FARS2: variants seen among roughly 807,000 people sequenced by gnomAD.
FARS2 encodes the protein phenylalanyl-tRNA synthetase 2, mitochondrial, also known as phenylalanine--tRNA ligase, mitochondrial.
In FARS2, 40 loss-of-function variants were observed where a neutral mutation model predicts 46.4. That is an observed-to-expected ratio of 0.86 (90% CI 0.67 to 1.12). The LOEUF is 1.12. Among genes scored for constraint, FARS2 ranks in the 50% most tolerant of loss-of-function variants. FARS2 has a pLI of 0.00. For synonymous variants in FARS2, 234 were observed against 214.9 expected (o/e 1.09, Z -0.78); for missense variants, 513 against 567.9 (o/e 0.90, Z 0.98).
intron 6 of FARS2, among the ~76,000 whole-genome samples, chr6:5,702,689 C>T (rs1399373210): frequency 2.0e-5 from 3 of 152,182 alleles, no homozygotes; most frequent in Non-Finnish European, 2.9e-5. Flanking sequence ...ACTCATCTCA[C>T]GTTTCCTAAA....
At chr6:5,640,867 C>G (rs534929210) in intron 6 of FARS2, among the ~76,000 whole-genome samples, 1 of 152,336 alleles carries the variant, frequency 6.6e-6, no homozygotes, top group South Asian at 2.1e-4. Flanking sequence ...CTGCTTGTAA[C>G]AAGGGTCAAA....
chr6:5,441,478 G>C (rs1477136177), intron 4 of FARS2, among the ~76,000 whole-genome samples: 1 of 152,074 alleles, frequency 6.6e-6, no homozygotes, highest in Admixed American at 6.5e-5. Context: ...TGACTTTCAT[G>C]TGCTTTTATG....
intron 5 of FARS2, among the ~76,000 whole-genome samples, chr6:5,582,921 T>C (rs1773417629): frequency 1.3e-5 from 2 of 152,202 alleles, no homozygotes. Context: ...CCTGCAGGCC[T>C]GCAGGGTGAG....
intron 2 of FARS2, among the ~76,000 whole-genome samples, chr6:5,379,429 G>C (rs1488522925): frequency 6.6e-6 from 1 of 152,194 alleles, no homozygotes; most frequent in Non-Finnish European, 1.5e-5. Context: ...CACAGAACTT[G>C]GGTAATCAGG....
rs1165434735 is a variant in FARS2, at chr6:5,285,735, G to A, written c.-22+24075G>A. On this transcript the variant is annotated intron_variant, in intron 1 of 6. Transcript: ENST00000274680. ...CAAACCATTTAGGTCAAGTTTCAGT[G>A]TCTGTCTCAGTGATGTTATCTCTGT... 2.0e-5 allele frequency among the ~76,000 whole-genome samples: 3 copies of A among 152,172 alleles called. No homozygotes were observed. In the East Asian group the frequency reaches 5.8e-4, roughly 29 times the overall value.
chr6:5,266,371 G>A (rs1178542739), intron 1 of FARS2, among the ~76,000 whole-genome samples: 2 of 152,092 alleles, frequency 1.3e-5, no homozygotes, highest in Non-Finnish European at 2.9e-5. Context: ...CTCCATTTAA[G>A]AAAAGTGAAG....
rs572506625 is a variant in FARS2, at chr6:5,512,198, G to A, written c.905-32982G>A. ...AAATTCAATTGCTCACATAATAGGA[G>A]GCCCGGGGGGTGGGCTTGCTTCTGA... On this transcript the variant is annotated intron_variant, in intron 4 of 6. Transcript: ENST00000274680. Among the ~76,000 whole-genome samples the A allele has an allele frequency of 4.6e-5, 7 of 152,210 alleles. No individual in the cohort carries two copies. The East Asian group carries it at 1.4e-3, about 29-fold the overall frequency.
At chr6:5,500,792 C>T (rs1022226506) in intron 4 of FARS2, among the ~76,000 whole-genome samples, 9 of 151,544 alleles carry the variant, frequency 5.9e-5, no homozygotes, top group African/African-American at 1.9e-4. Flanking sequence ...TTCACAGAAC[C>T]GGTAGAAGAG....
chr6:5,473,210 G>A (rs552173584), intron 4 of FARS2, among the ~76,000 whole-genome samples: 1 of 152,228 alleles, frequency 6.6e-6, no homozygotes, highest in East Asian at 1.9e-4. Context: ...CACGCATGTT[G>A]GATACACTGT....
intron 6 of FARS2, among the ~76,000 whole-genome samples, chr6:5,633,538 G>A (rs943785277): frequency 6.6e-6 from 1 of 152,050 alleles, no homozygotes; most frequent in Admixed American, 6.6e-5. Context: ...AAAGTGCTGG[G>A]ATTACAGGCG....
intron 3 of FARS2, 70 bp downstream of exon 3, chr6:5,404,771 G>GTTTT (rs35291527): frequency 2.4e-5 from 15 of 622,620 alleles, no homozygotes; most frequent in South Asian, 5.2e-5. Flanking sequence ...TTGGATTTGG[G>GTTTT]TTTTTTTTTT....
intron 6 of FARS2, among the ~76,000 whole-genome samples, chr6:5,767,869 A>G (rs1762833332): frequency 6.6e-6 from 1 of 152,210 alleles, no homozygotes; most frequent in Non-Finnish European, 1.5e-5. Flanking sequence ...GCATTGGGTG[A>G]TATAAAAGAA....
At position 5,632,253 on chromosome 6, in the gene FARS2, G is replaced by A. The variant is rs1262557999; in HGVS notation, c.1217+18933G>A. On this transcript the variant is annotated intron_variant, in intron 6 of 6. Coordinates refer to ENST00000274680, the MANE Select transcript of FARS2 (RefSeq NM_006567.5). ...CACAGGCGAGACGTGCTCTACAGGC[G>A]TTTCAACTCTGAATCCGAGGTCTCA... Among the ~76,000 whole-genome samples, 11 of 152,200 alleles carry A rather than the reference G, an allele frequency of 7.2e-5. No homozygotes were observed. The East Asian group carries it at 7.7e-4, about 11-fold the overall frequency.
intron 6 of FARS2, among the ~76,000 whole-genome samples, chr6:5,725,435 A>G (rs187398259): frequency 6.6e-6 from 1 of 152,346 alleles, no homozygotes; most frequent in Non-Finnish European, 1.5e-5. Context: ...CAGTTATTTT[A>G]AAATGGTTCC....
chr6:5,641,741 A>G (rs575979102), intron 6 of FARS2, among the ~76,000 whole-genome samples: 2 of 152,372 alleles, frequency 1.3e-5, no homozygotes, highest in South Asian at 2.1e-4. Context: ...ATAAGTTACC[A>G]TACATACCAA....
chr6:5,744,016 T>C (rs142479290), intron 6 of FARS2, among the ~76,000 whole-genome samples: 1 of 152,298 alleles, frequency 6.6e-6, no homozygotes, highest in East Asian at 1.9e-4. Context: ...TCTCACCAGG[T>C]CTAAGCCAGT....
At chr6:5,457,103 A>C (rs573259982) in intron 4 of FARS2, 1 of 152,572 alleles carries the variant, frequency 6.6e-6, no homozygotes, top group East Asian at 1.9e-4. Context: ...TTTCCCCTAC[A>C]TATGTCCACG....
At chr6:5,502,976 C>T (rs1254115277) in intron 4 of FARS2, among the ~76,000 whole-genome samples, 1 of 151,948 alleles carries the variant, frequency 6.6e-6, no homozygotes, top group East Asian at 1.9e-4. Flanking sequence ...GGTAACACAC[C>T]TGATTGTGCG....
intron 4 of FARS2, among the ~76,000 whole-genome samples, chr6:5,500,891 C>T (rs1767751732): frequency 6.6e-6 from 1 of 151,650 alleles, no homozygotes; most frequent in Admixed American, 6.6e-5. Context: ...TGGAACAAAA[C>T]ATTTTCTGTC....
Sources: allele counts gnomAD v4.1 joint callset (sites outside exome capture counted in the v4.1 genomes callset), GRCh38; gene constraint gnomAD v4.1.1; transcripts MANE v1.5; gene names NCBI Gene and HGNC (gene_info 2026-07-23, HGNC 2026-07-21).